COL12A1: variants seen among roughly 807,000 people sequenced by gnomAD.
The protein encoded by COL12A1 is collagen type XII alpha 1 chain, also known as collagen alpha-1(XII) chain.
In COL12A1, 114 loss-of-function variants were observed where a neutral mutation model predicts 349.7. The ratio of observed to expected loss-of-function variants is 0.33; its 90% CI spans 0.28 to 0.38. The LOEUF (loss-of-function observed/expected upper bound fraction) is 0.38, where lower values mean the gene tolerates loss of function less well. Ranked by LOEUF, COL12A1 falls within the 10% of genes least tolerant of loss-of-function variation. The pLI, the probability that COL12A1 is intolerant of heterozygous loss-of-function variation, is 1.00. For missense variants in COL12A1, 3,284 were observed against 3,756.9 expected, an observed-to-expected ratio of 0.87 and a Z score of 3.29; for synonymous variants, 1,369 against 1,329.0, an observed-to-expected ratio of 1.03 and a Z score of -0.66.
At chr6:75,173,625 T>C (rs991602084) in intron 13 of COL12A1, among the ~76,000 whole-genome samples, 1 of 152,242 alleles carries the variant, frequency 6.6e-6, no homozygotes, top group African/African-American at 2.4e-5. Flanking sequence ...TCCACCTGCC[T>C]TGGTCTCGCA....
chr6:75,112,798 T>C (rs1458448436), intron 51 of COL12A1, among the ~76,000 whole-genome samples: 1 of 151,544 alleles, frequency 6.6e-6, no homozygotes, highest in Non-Finnish European at 1.5e-5. Flanking sequence ...AATATCAATT[T>C]CTGCATTTCA....
chr6:75,137,809 G>C (rs747310160), intron 30 of COL12A1, among the ~76,000 whole-genome samples: 13 of 152,050 alleles, frequency 8.5e-5, no homozygotes, highest in Admixed American at 2.0e-4. Flanking sequence ...CCAATATGAT[G>C]GTATTGAGAG....
intron 31 of COL12A1, among the ~76,000 whole-genome samples, chr6:75,136,926 T>C (rs558671101): frequency 3.9e-5 from 6 of 151,996 alleles, no homozygotes; most frequent in South Asian, 2.1e-4. Context: ...ATTTGGATAA[T>C]AGAAAAATGA....
intron 21 of COL12A1, 64 bp downstream of exon 21, chr6:75,151,077 A>C: frequency 1.5e-6 from 1 of 663,038 alleles, no homozygotes; most frequent in Non-Finnish European, 2.2e-6. Flanking sequence ...CCCACCCAAA[A>C]GAATAATTAT....
At position 75,155,728 on chromosome 6, in the gene COL12A1, T is replaced by A. The variant is rs1767717646; in HGVS notation, c.3377A>T (p.Asp1126Val). 1 of 1,612,816 alleles carries A rather than the reference T, an allele frequency of 6.2e-7. No homozygotes were observed. The highest frequency in any genetic ancestry group is 8.5e-7 in the Non-Finnish European group (1 of 1,179,488). The change falls in exon 16 of 66, where the codon GAT becomes GTT. Residue 1126 changes from aspartate (D) to valine (V), a missense_variant. Physicochemically the swap from Asp to Val is radical, Grantham distance 152 (BLOSUM62 -3). Coordinates refer to ENST00000322507, the MANE Select transcript of COL12A1 (RefSeq NM_004370.6). ...GYKVTFHPTGDDRRLGELVVG... is the reference protein window; with the variant it reads ...GYKVTFHPTGVDRRLGELVVG... The stretch of plus-strand genomic sequence containing the variant: ...CACTAACTCCCCCAGTCTTCTGTCA[T>A]CCCCCGTAGGGTGGAATGTGACTTT...
At chr6:75,146,287 T>C in intron 23 of COL12A1, 43 bp from the exon 24 acceptor site, 1 of 1,528,194 alleles carries the variant, frequency 6.5e-7, no homozygotes, top group Non-Finnish European at 8.8e-7. Flanking sequence ...GTTCCTTTCA[T>C]TCCACTCATT....
rs1186570040 is a variant in COL12A1, at chr6:75,090,945, TAAG to T, written c.8752+375_8752+377del. The stretch of plus-strand genomic sequence containing the variant: ...TCATTACTTAACAGGCCTTATGGAA[TAAG>T]AAGAGCCTGTGAAAAACAGGCAAGA... On this transcript the variant is annotated intron_variant, in intron 62 of 65. Transcript: ENST00000322507. This position sits in a 1 kb window ranked among gnomAD's most constrained non-coding sequence, Gnocchi z 4.1. Among the ~76,000 whole-genome samples the T allele has an allele frequency of 6.6e-6, 1 of 152,162 alleles. No homozygotes were observed.
At chr6:75,135,149 A>C (rs1766523427) in intron 31 of COL12A1, among the ~76,000 whole-genome samples, 1 of 149,584 alleles carries the variant, frequency 6.7e-6, no homozygotes, top group African/African-American at 2.5e-5. Context: ...AGAACTCTTC[A>C]AAAAAAAAGG....
Position 75,085,556 on chromosome 6 carries a change from T to TAAA in COL12A1, c.*988_*990dup. On this transcript the variant is annotated 3_prime_UTR_variant, in exon 66 of 66. Coordinates refer to ENST00000322507, the MANE Select transcript of COL12A1 (RefSeq NM_004370.6). ...ATCAAATAATGAAATGGCACTTTCT[T>TAAA]AAAAAAAAAAACCTTCAAAAATCCA... is the stretch of plus-strand genomic sequence containing the variant. 3.8e-6 allele frequency: 1 copy of TAAA among 264,782 alleles called. No individual in the cohort carries two copies. Among genetic ancestry groups the TAAA allele is most frequent in the Non-Finnish European group, 7.7e-6 (1 of 129,160 alleles). 16.4% of individuals were successfully genotyped at this position (264,782 alleles called of 1,614,324 possible).
At chr6:75,118,578 T>G (rs1181281768) in intron 46 of COL12A1, among the ~76,000 whole-genome samples, 1 of 152,180 alleles carries the variant, frequency 6.6e-6, no homozygotes, top group African/African-American at 2.4e-5. Flanking sequence ...ATTGGCAAGA[T>G]CTATCCCACA....
At chr6:75,091,419 ATTAG>A (rs770795119) in intron 61 of COL12A1, 30 bp from the exon 62 acceptor site, 28 of 1,612,604 alleles carry the variant, frequency 1.7e-5, no homozygotes, top group Non-Finnish European at 2.4e-5. Flanking sequence ...TGATTAGCAT[ATTAG>A]TTCTATAGTT....
At position 75,142,130 on chromosome 6, in the gene COL12A1, G is replaced by A. The variant is rs1315847355; in HGVS notation, c.4859C>T (p.Ser1620Phe). The part of the protein sequence containing the change: ...VEVDRSETST[S>F]LKDLFSQTLY... ...GGTCTGTGAGAAGAGGTCTTTGAGG[G>A]AAGTGCTGGTCTCTGATCTGTCCAC... The change falls in exon 27 of 66, where the codon TCC becomes TTC. Residue 1620 changes from serine to phenylalanine, a missense_variant. Transcript: ENST00000322507. 2.5e-6 allele frequency: 4 copies of A among 1,614,002 alleles called. No homozygotes were observed. The highest frequency in any genetic ancestry group is 3.4e-6 in the Non-Finnish European group (4 of 1,179,994).
Position 75,088,730 on chromosome 6 carries a change from C to T in COL12A1, c.9010+376G>A, listed in dbSNP as rs557378567. On this transcript the variant is annotated intron_variant, in intron 64 of 65. Transcript: ENST00000322507. Reference sequence around the variant, plus strand: ...ATAACAGGATGAAGTTGGCTGGGAGCGGTGGCTCACTTCTGTAATCCCAGC... The same window carrying T: ...ATAACAGGATGAAGTTGGCTGGGAGTGGTGGCTCACTTCTGTAATCCCAGC... Among the ~76,000 whole-genome samples the T allele has an allele frequency of 6.3e-4, 95 of 151,830 alleles. No homozygotes were observed. The South Asian group carries it at 0.019, about 31-fold the overall frequency.
At chr6:75,204,993 G>A (rs1200134326) in intron 1 of COL12A1, among the ~76,000 whole-genome samples, 1 of 152,036 alleles carries the variant, frequency 6.6e-6, no homozygotes, top group African/African-American at 2.4e-5. Flanking sequence ...GGGCTCCCGA[G>A]GTCGCCCGCT....
In COL12A1 at chr6:75,128,359, T is replaced by A; in HGVS notation, c.6277A>T (p.Ile2093Phe). 4.3e-6 allele frequency: 7 copies of A among 1,610,330 alleles called. No individual in the cohort carries two copies. The highest frequency in any genetic ancestry group is 5.9e-6 in the Non-Finnish European group (7 of 1,178,218). ...QPLQPDTPYK[I>F]TVIAVYEDGD... Reference sequence around the variant, plus strand: ...TCTTCATAAACAGCAATAACAGTAATTTTATATGGAGTGTCAGGTTGCAGG... The same window carrying A: ...TCTTCATAAACAGCAATAACAGTAAATTTATATGGAGTGTCAGGTTGCAGG... The change falls in exon 38 of 66, where the codon ATT becomes TTT. Residue 2093 changes from isoleucine to phenylalanine, a missense_variant. By Grantham distance (21) the Ile-to-Phe change is conservative (BLOSUM62 0). Transcript: ENST00000322507.
At chr6:75,132,441 C>T (rs148666144) in intron 34 of COL12A1, among the ~76,000 whole-genome samples, 5 of 152,280 alleles carry the variant, frequency 3.3e-5, no homozygotes, top group Admixed American at 2.0e-4. Flanking sequence ...TTTTAAGAGT[C>T]TGCCTTCTAA....
In COL12A1 at chr6:75,130,901, A is replaced by G. The variant is rs1766269072; in HGVS notation, c.6018T>C (p.Ala2006=). 6.2e-7 allele frequency: 1 copy of G among 1,613,960 alleles called. No individual in the cohort carries two copies. Among genetic ancestry groups the G allele is most frequent in the African/African-American group, 1.3e-5 (1 of 74,892 alleles). The part of the protein sequence containing the change: ...PDTLYSVNLV[A]LYSDGEGNPS... Reference sequence around the variant, plus strand: ...GATTTCCCTCTCCATCCGAGTACAGAGCCACAAGGTTCACGGAATAGAGTG... The same window carrying G: ...GATTTCCCTCTCCATCCGAGTACAGGGCCACAAGGTTCACGGAATAGAGTG... The change falls in exon 36 of 66, where the codon GCT becomes GCC. Residue 2006 remains alanine (A), a synonymous_variant. Coordinates refer to ENST00000322507, the MANE Select transcript of COL12A1 (RefSeq NM_004370.6).
intron 17 of COL12A1, among the ~76,000 whole-genome samples, chr6:75,152,758 C>G (rs1312399240): frequency 6.6e-6 from 1 of 152,082 alleles, no homozygotes; most frequent in African/African-American, 2.4e-5. Flanking sequence ...TTCATAGAAC[C>G]TGGAGACTTG....
Position 75,138,805 on chromosome 6 carries a change from TAA to T in COL12A1, c.5097+15_5097+16del. On this transcript the variant is annotated intron_variant, in intron 28 of 65. Coordinates refer to ENST00000322507, the MANE Select transcript of COL12A1 (RefSeq NM_004370.6). ...GGGACATGAAAGACAGAGAGAAAGATAAAGAGAGTTAACTACCTCCATCTTAT... is the reference window on the plus strand; with the variant it reads ...GGGACATGAAAGACAGAGAGAAAGATAGAGAGTTAACTACCTCCATCTTAT... 1.9e-6 allele frequency: 3 copies of T among 1,613,400 alleles called. No individual in the cohort carries two copies. Among genetic ancestry groups the T allele is most frequent in the Non-Finnish European group, 2.5e-6 (3 of 1,179,772 alleles).
Sources: allele counts gnomAD v4.1 joint callset (sites outside exome capture counted in the v4.1 genomes callset), GRCh38; gene constraint gnomAD v4.1.1; non-coding constraint Gnocchi (gnomAD v3.1); transcripts MANE v1.5; gene names NCBI Gene and HGNC (gene_info 2026-07-23, HGNC 2026-07-21).